SIRT2: variants seen among roughly 807,000 people sequenced by gnomAD.
The protein encoded by SIRT2 is NAD-dependent protein deacetylase sirtuin-2.
In SIRT2, 40 loss-of-function variants were observed where a neutral mutation model predicts 57.4. The ratio of observed to expected loss-of-function variants is 0.70; its 90% confidence interval spans 0.54 to 0.91. The LOEUF (loss-of-function observed/expected upper bound fraction) is 0.91, where lower values mean the gene tolerates loss of function less well. Among genes scored for constraint, SIRT2 ranks in the 40% least tolerant of loss-of-function variants. The pLI is 0.00. For synonymous variants in SIRT2, 161 were observed against 195.7 expected (o/e 0.82, Z 1.48); for missense variants, 439 against 510.4 (o/e 0.86, Z 1.35).
intron 3 of SIRT2, 127 bp from the exon 4 acceptor site, chr19:38,893,654 AGC>A: frequency 8.5e-7 from 1 of 1,179,958 alleles, no homozygotes; most frequent in East Asian, 2.4e-5. Context: ...GGCCCGGCCC[AGC>A]CAGCGGCCTC....
intron 2 of SIRT2, among the ~76,000 whole-genome samples, chr19:38,895,121 G>T (rs1973677051): frequency 6.6e-6 from 1 of 150,598 alleles, no homozygotes; most frequent in African/African-American, 2.4e-5. Flanking sequence ...TGTACGCTGA[G>T]CCTCCTAAGG....
At chr19:38,893,031 G>A (rs574918271) in intron 4 of SIRT2, among the ~76,000 whole-genome samples, 2 of 152,192 alleles carry the variant, frequency 1.3e-5, no homozygotes, top group Middle Eastern at 3.4e-3. Flanking sequence ...AGGCATGGGG[G>A]CAGGCATTTG....
intron 4 of SIRT2, among the ~76,000 whole-genome samples, chr19:38,892,119 G>C (rs974325078): frequency 6.6e-6 from 1 of 152,204 alleles, no homozygotes; most frequent in Non-Finnish European, 1.5e-5. Flanking sequence ...TTTCAGGCCG[G>C]GACGGGTGGT....
In SIRT2 at chr19:38,891,167, T is replaced by C. The variant is rs138564792; in HGVS notation, c.227-1023A>G. Among the ~76,000 whole-genome samples the C allele has an allele frequency of 3.2e-3, 488 of 152,388 alleles. 3 individuals carry two copies. The highest frequency in any genetic ancestry group is 0.011 in the African/African-American group (472 of 41,596). On this transcript the variant is annotated intron_variant, in intron 4 of 15. Coordinates refer to ENST00000249396, the MANE Select transcript of SIRT2 (RefSeq NM_012237.4). ...ATCACTTCCATAATGATCTTACAGG[T>C]ATAATGTGAATATCAAATAATAGGG...
rs773453604 is a variant in SIRT2, at chr19:38,880,672, G to A, written c.876+13C>T. 9 of 1,539,014 alleles carry A rather than the reference G, an allele frequency of 5.8e-6. No homozygotes were observed. Among genetic ancestry groups the A allele is most frequent in the Non-Finnish European group, 7.0e-6 (8 of 1,141,546 alleles). On this transcript the variant is annotated intron_variant, in intron 13 of 15. Transcript: ENST00000249396. This position sits in a 1 kb window ranked among gnomAD's most constrained non-coding sequence, Gnocchi z 4.1. ...GAGCCTGTGACGACGGGGGCTTGAAGAAGGGCTCTTACCTGGCCAGCTTTC... is the reference window on the plus strand; with the variant it reads ...GAGCCTGTGACGACGGGGGCTTGAAAAAGGGCTCTTACCTGGCCAGCTTTC...
intron 8 of SIRT2, 41 bp downstream of exon 8, chr19:38,889,046 C>T (rs762292914): frequency 6.9e-6 from 11 of 1,587,698 alleles, no homozygotes; most frequent in African/African-American, 2.7e-5. Flanking sequence ...ATGCCCGTTC[C>T]ACCCGCCCAT....
At chr19:38,884,881 G>A (rs1973276792) in intron 8 of SIRT2, among the ~76,000 whole-genome samples, 1 of 151,470 alleles carries the variant, frequency 6.6e-6, no homozygotes, top group Non-Finnish European at 1.5e-5. Flanking sequence ...ACATCTGGCT[G>A]ATTTTTAAAA....
intron 9 of SIRT2, 95 bp from the exon 10 acceptor site, chr19:38,881,586 A>G (rs1356952929): frequency 2.1e-6 from 2 of 941,478 alleles, no homozygotes; most frequent in East Asian, 2.5e-5. Context: ...CACTGTTAAC[A>G]TGAACACACC....
intron 3 of SIRT2, 133 bp from the exon 4 acceptor site, chr19:38,893,660 C>T (rs983334697): frequency 1.3e-5 from 15 of 1,180,080 alleles, no homozygotes; most frequent in Non-Finnish European, 1.7e-5. Flanking sequence ...GCCCAGCCAG[C>T]GGCCTCCAGG....
In SIRT2 at chr19:38,879,079, G is replaced by T. The variant is rs777299161; in HGVS notation, c.*76C>A. The T allele has an allele frequency of 1.4e-6, 2 of 1,450,030 alleles. No homozygotes were observed. The highest frequency in any genetic ancestry group is 4.8e-5 in the Admixed American group (2 of 41,596). The allele number at this position is 1,450,030 out of a possible 1,614,324, so 89.8% of individuals were successfully genotyped here. A position where few individuals can be genotyped will look rare whatever the true frequency, so the allele number is the denominator to read the frequency against. ...TGAGCTCCCCAGACAAGAACTGCTGGTTAAGAGGGGGCCAGGCCCGGTTGG... is the reference window on the plus strand; with the variant it reads ...TGAGCTCCCCAGACAAGAACTGCTGTTTAAGAGGGGGCCAGGCCCGGTTGG... On this transcript the variant is annotated 3_prime_UTR_variant, in exon 16 of 16. Transcript: ENST00000249396.
intron 4 of SIRT2, among the ~76,000 whole-genome samples, chr19:38,891,454 C>T (rs1321784458): frequency 2.0e-5 from 3 of 152,084 alleles, no homozygotes; most frequent in Admixed American, 6.5e-5. Context: ...GAGGCTGAAG[C>T]AGGAGAATCG....
intron 11 of SIRT2, 23 bp downstream of exon 11, chr19:38,881,077 G>A (rs768700376): frequency 6.8e-6 from 11 of 1,610,956 alleles, no homozygotes; most frequent in East Asian, 2.2e-5. Context: ...TTGGGGATGC[G>A]GGGAGGCTGG....
At chr19:38,879,814 T>A (rs1973080499) in intron 13 of SIRT2, 112 bp from the exon 14 acceptor site, 1 of 763,376 alleles carries the variant, frequency 1.3e-6, no homozygotes, top group South Asian at 1.8e-5. Context: ...CTTTGTTTTT[T>A]TTTTGTTGTT....
At chr19:38,893,558 A>T (rs1235005746) in intron 3 of SIRT2, 31 bp from the exon 4 acceptor site, 11 of 1,502,948 alleles carry the variant, frequency 7.3e-6, no homozygotes, top group Non-Finnish European at 1.0e-5. Context: ...CAGCGGCAGG[A>T]CGGGCATTCA....
intron 2 of SIRT2, chr19:38,895,002 C>T (rs75327607): frequency 0.013 from 5,906 of 447,720 alleles, 73 homozygotes; most frequent in Middle Eastern, 0.023. Flanking sequence ...GCCCATCCTC[C>T]TCCCAGGCCT....
rs907010559 is a variant in SIRT2, at chr19:38,894,865, G to A, written c.64-998C>T. ...CATCCATGCCAATGACCTCTGCCTC[G>A]TCACTCATGATACCATCTCTCTGCC... is the stretch of plus-strand genomic sequence containing the variant. On this transcript the variant is annotated intron_variant, in intron 2 of 15. Transcript: ENST00000249396. The A allele has an allele frequency of 3.9e-5, 18 of 455,902 alleles. No individual in the cohort carries two copies. In the East Asian group the frequency reaches 9.0e-4, roughly 23 times the overall value. 28.2% of individuals were successfully genotyped at this position (455,902 alleles called of 1,614,324 possible).
At chr19:38,881,361 G>T in intron 10 of SIRT2, 71 bp downstream of exon 10, 6 of 1,428,554 alleles carry the variant, frequency 4.2e-6, no homozygotes, top group South Asian at 2.3e-5. Flanking sequence ...TGTGGCCTTT[G>T]GGAGGGGGTC....
At chr19:38,885,901 T>C (rs966556236) in intron 8 of SIRT2, among the ~76,000 whole-genome samples, 3 of 152,196 alleles carry the variant, frequency 2.0e-5, no homozygotes, top group African/African-American at 7.2e-5. Context: ...TGTTTTCTTT[T>C]AAGACAGTGA....
intron 8 of SIRT2, among the ~76,000 whole-genome samples, chr19:38,885,592 ATTT>A (rs35779731): frequency 1.6e-5 from 2 of 122,466 alleles, no homozygotes. Context: ...ATGCGTGGCT[ATTT>A]TTTTTTTTTT....
Sources: allele counts gnomAD v4.1 joint callset (sites outside exome capture counted in the v4.1 genomes callset), GRCh38; gene constraint gnomAD v4.1.1; non-coding constraint Gnocchi (gnomAD v3.1); transcripts MANE v1.5; gene names NCBI Gene and HGNC (gene_info 2026-07-23, HGNC 2026-07-21).